The following LAMB4 variants were observed in gnomAD, a reference collection of about 807,000 sequenced individuals.
LAMB4 encodes the protein laminin subunit beta-4.
LAMB4 carries 196 observed loss-of-function variants against 199.2 expected under a neutral mutation model. The observed-to-expected ratio is 0.98, with a 90% CI of 0.88 to 1.11. The LOEUF (loss-of-function observed/expected upper bound fraction) is 1.11. LAMB4 is among the 50% of genes least tolerant of loss of function. The probability of loss-of-function intolerance (pLI) is 0.00; values close to 1 mark genes in which losing one functional copy is unlikely to be tolerated. For synonymous variants in LAMB4, 744 were observed against 770.6 expected, an observed-to-expected ratio of 0.97 and a Z score of 0.57; for missense variants, 2,080 against 2,171.2, an observed-to-expected ratio of 0.96 and a Z score of 0.83.
intron 1 of LAMB4, among the ~76,000 whole-genome samples, chr7:108,124,143 G>A (rs2038697505): frequency 1.3e-5 from 2 of 152,098 alleles, no homozygotes; most frequent in Non-Finnish European, 2.9e-5. Flanking sequence ...AGCCTCCCCA[G>A]TAGCAGAGAC....
chr7:108,066,354 A>C lies in LAMB4; in HGVS notation c.2678+15T>G. On this transcript the variant is annotated intron_variant, in intron 20 of 33. Coordinates refer to ENST00000388781, the MANE Select transcript of LAMB4 (RefSeq NM_007356.3). ...GTTAAAGACCTAAAAATTAAAGTGC[A>C]TATGAATTCCATACCTTTCACAGTT... 1 of 1,588,466 alleles carries C rather than the reference A, an allele frequency of 6.3e-7. No homozygotes were observed.
intron 18 of LAMB4, among the ~76,000 whole-genome samples, chr7:108,069,401 T>G (rs1000827568): frequency 2.0e-5 from 3 of 152,214 alleles, no homozygotes; most frequent in African/African-American, 7.2e-5. Context: ...GCTCATTTAT[T>G]AAATGAATAT....
chr7:108,043,259 G>T (rs1163371285), intron 29 of LAMB4, among the ~76,000 whole-genome samples: 1 of 151,804 alleles, frequency 6.6e-6, no homozygotes, highest in Non-Finnish European at 1.5e-5. Context: ...TGTCAGCAAA[G>T]AAAATTACTG....
intron 17 of LAMB4, among the ~76,000 whole-genome samples, chr7:108,071,058 C>T (rs1035579290): frequency 6.6e-6 from 1 of 152,136 alleles, no homozygotes; most frequent in Non-Finnish European, 1.5e-5. Context: ...TCTAACCTTA[C>T]AAAACTCTTC....
chr7:108,044,955 C>CAAAAAAAAAAA (rs756256335), intron 28 of LAMB4, among the ~76,000 whole-genome samples: 24 of 56,376 alleles, frequency 4.3e-4, no homozygotes, highest in African/African-American at 6.1e-4. Context: ...ATTCTTGTCT[C>CAAAAAAAAAAA]AAAAAAAAAA....
intron 19 of LAMB4, 73 bp downstream of exon 19, chr7:108,067,943 T>C: frequency 1.9e-6 from 3 of 1,585,332 alleles, no homozygotes; most frequent in Non-Finnish European, 1.7e-6. Flanking sequence ...AAAACCCCCC[T>C]CCATGACTTT....
intron 30 of LAMB4, among the ~76,000 whole-genome samples, 187 bp downstream of exon 30, chr7:108,037,201 A>G (rs1490256987): frequency 1.3e-5 from 2 of 152,150 alleles, no homozygotes; most frequent in Admixed American, 6.5e-5. Context: ...AACAACCCTG[A>G]ACCCTGTCAC....
intron 2 of LAMB4, among the ~76,000 whole-genome samples, chr7:108,120,930 A>G (rs945591072): frequency 6.6e-6 from 1 of 152,172 alleles, no homozygotes; most frequent in Non-Finnish European, 1.5e-5. Context: ...AAATTTAACT[A>G]TTATTCCTGT....
chr7:108,127,091 A>C (rs2038816299), intron 1 of LAMB4, among the ~76,000 whole-genome samples: 1 of 150,832 alleles, frequency 6.6e-6, no homozygotes. Flanking sequence ...TGCCCCTCAC[A>C]CTTGCTCTGC....
At position 108,077,693 on chromosome 7, in the gene LAMB4, CA is replaced by C. The variant is rs1009276533; in HGVS notation, c.2003+507del. Among the ~76,000 whole-genome samples, 837 of 143,448 alleles carry C rather than the reference CA, an allele frequency of 5.8e-3. 2 individuals are homozygous for C. Among genetic ancestry groups the C allele is most frequent in the African/African-American group, 0.011 (442 of 39,388 alleles). The allele number at this position is 143,448 out of a possible 152,430, so 94.1% of individuals were successfully genotyped here. A position where few individuals can be genotyped will look rare whatever the true frequency, so the allele number is the denominator to read the frequency against. ...TGGGCAACAGGGCGAGACTCTGACT[CA>C]AAAAAAAAAAATTATTTTGCCACAA... is the stretch of plus-strand genomic sequence containing the variant. On this transcript the variant is annotated intron_variant, in intron 16 of 33. Coordinates refer to ENST00000388781, the MANE Select transcript of LAMB4 (RefSeq NM_007356.3).
intron 6 of LAMB4, among the ~76,000 whole-genome samples, chr7:108,107,351 T>G (rs983521602): frequency 6.6e-6 from 1 of 152,222 alleles, no homozygotes; most frequent in Non-Finnish European, 1.5e-5. Context: ...TTGCAAGCAT[T>G]AGAAATGGGT....
In LAMB4 at chr7:108,034,295, T is replaced by C; in HGVS notation, c.4731A>G (p.Gln1577=). ...LNLDKTLNQL[Q]QAQITQGRAN... Reference sequence around the variant, plus strand: ...CCCGTCCTTGAGTGATTTGAGCTTGTTGTAACTGGTTCAATGTTTTGTCAA... The same window carrying C: ...CCCGTCCTTGAGTGATTTGAGCTTGCTGTAACTGGTTCAATGTTTTGTCAA... The change falls in exon 31 of 34, where the codon CAA becomes CAG. Residue 1577 remains glutamine, a synonymous_variant. Coordinates refer to ENST00000388781, the MANE Select transcript of LAMB4 (RefSeq NM_007356.3). 1 of 1,613,142 alleles carries C rather than the reference T, an allele frequency of 6.2e-7. No homozygotes were observed. Among genetic ancestry groups the C allele is most frequent in the Non-Finnish European group, 8.5e-7 (1 of 1,179,102 alleles).
intron 14 of LAMB4, among the ~76,000 whole-genome samples, chr7:108,088,319 C>A (rs1033891698): frequency 1.3e-5 from 2 of 152,156 alleles, no homozygotes; most frequent in African/African-American, 4.8e-5. Context: ...TGTGCCACCA[C>A]GCCCAGCTAA....
chr7:108,116,912 T>C (rs1271067083), intron 2 of LAMB4, among the ~76,000 whole-genome samples: 1 of 152,162 alleles, frequency 6.6e-6, no homozygotes, highest in African/African-American at 2.4e-5. Flanking sequence ...TGGTTCATGC[T>C]TGTAGTCCCA....
At chr7:108,074,295 C>T (rs1440743739) in intron 17 of LAMB4, among the ~76,000 whole-genome samples, 1 of 152,142 alleles carries the variant, frequency 6.6e-6, no homozygotes, top group Non-Finnish European at 1.5e-5. Flanking sequence ...AACTTTTATT[C>T]ATACTTCAGG....
rs2150533380 is a variant in LAMB4, at chr7:108,055,879, G to A, written c.3508C>T (p.Pro1170Ser). The A allele has an allele frequency of 3.1e-6, 5 of 1,614,150 alleles. No individual in the cohort carries two copies. The East Asian group carries it at 1.1e-4, about 36-fold the overall frequency. The part of the protein sequence containing the change: ...RCARGHSQEF[P>S]TCLQCHLCFD... ...CACAAGTGACATTGAAGACAAGTAG[G>A]GAATTCCTGGCTGTGTCCCCGGGCA... The change falls in exon 25 of 34, where the codon CCT (proline) becomes TCT (serine). Residue 1170 changes from proline to serine, a missense_variant. Pro to Ser is a moderately conservative substitution (Grantham distance 74). Transcript: ENST00000388781.
intron 30 of LAMB4, 80 bp from the exon 31 acceptor site, chr7:108,034,426 T>G: frequency 7.3e-6 from 8 of 1,088,890 alleles, no homozygotes; most frequent in African/African-American, 1.6e-5. Flanking sequence ...TTCATTTGAC[T>G]CAACCAAATA....
At chr7:108,025,296 T>C (rs774227112) in intron 33 of LAMB4, among the ~76,000 whole-genome samples, 41 of 152,162 alleles carry the variant, frequency 2.7e-4, no homozygotes, top group Non-Finnish European at 5.9e-4. Context: ...TAAAAAACTC[T>C]CTAGGAGTCA....
In LAMB4 at chr7:108,112,053, A is replaced by G. The variant is rs1028501997; in HGVS notation, c.193-107T>C. ...CTATATTTGTCTTCCAAACTGGCTA[A>G]AAATAAAAGGCAGAGGAAATAACAA... is the stretch of plus-strand genomic sequence containing the variant. On this transcript the variant is annotated intron_variant, in intron 3 of 33. Transcript: ENST00000388781. The G allele has an allele frequency of 3.6e-6, 3 of 826,190 alleles. 1 individual carries two copies. The highest frequency in any genetic ancestry group is 2.4e-5 in the South Asian group (1 of 41,704). The allele number at this position is 826,190 out of a possible 1,614,324, so 51.2% of individuals were successfully genotyped here.
Sources: allele counts gnomAD v4.1 joint callset (sites outside exome capture counted in the v4.1 genomes callset), GRCh38; gene constraint gnomAD v4.1.1; transcripts MANE v1.5; gene names NCBI Gene and HGNC (gene_info 2026-07-23, HGNC 2026-07-21).